The following ZDHHC3 variants were observed in gnomAD, a reference collection of about 807,000 sequenced individuals.
ZDHHC3 encodes the protein palmitoyltransferase ZDHHC3.
In ZDHHC3, 9 loss-of-function variants were observed where a neutral mutation model predicts 30.6. The ratio of observed to expected loss-of-function variants is 0.29; its 90% CI spans 0.18 to 0.51. ZDHHC3 has a LOEUF of 0.51. Ranked by LOEUF, ZDHHC3 falls within the 20% of genes least tolerant of loss-of-function variation. The pLI is 0.97. For synonymous variants in ZDHHC3, 136 were observed against 140.2 expected, an observed-to-expected ratio of 0.97 and a Z score of 0.21; for missense variants, 246 against 384.2, an observed-to-expected ratio of 0.64 and a Z score of 3.01.
intron 3 of ZDHHC3, among the ~76,000 whole-genome samples, chr3:44,940,667 G>A (rs892506551): frequency 6.6e-6 from 1 of 152,186 alleles, no homozygotes; most frequent in Non-Finnish European, 1.5e-5. Context: ...CACTGTAGAA[G>A]AAGGCAGATG....
rs1700443317 is a variant in ZDHHC3, at chr3:44,919,443, C to T, written c.*7246G>A. 6.6e-6 allele frequency: 1 copy of T among 152,360 alleles called. No homozygotes were observed. 9.4% of individuals were successfully genotyped at this position (152,360 alleles called of 1,614,324 possible). A position where few individuals can be genotyped will look rare whatever the true frequency, so the allele number is the denominator to read the frequency against. ...AAGATTGATGAAAAGATTTTGGAAC[C>T]AGACAGACCTGGTGGTTACAAAACA... is the stretch of plus-strand genomic sequence containing the variant. On this transcript the variant is annotated 3_prime_UTR_variant, in exon 7 of 7. Coordinates refer to ENST00000424952, the MANE Select transcript of ZDHHC3 (RefSeq NM_001135179.2).
At position 44,921,631 on chromosome 3, in the gene ZDHHC3, A is replaced by C. The variant is rs1285898754; in HGVS notation, c.*5058T>G. On this transcript the variant is annotated 3_prime_UTR_variant, in exon 7 of 7. Coordinates refer to ENST00000424952, the MANE Select transcript of ZDHHC3 (RefSeq NM_001135179.2). ...ACATTTATAAAGCCATACCAGGGCC[A>C]GACGCTATACATTCCTATTCATCAC... is the stretch of plus-strand genomic sequence containing the variant. 23 of 983,428 alleles carry C rather than the reference A, an allele frequency of 2.3e-5. No individual in the cohort carries two copies. Among genetic ancestry groups the C allele is most frequent in the Non-Finnish European group, 2.8e-5 (23 of 828,206 alleles). The allele number at this position is 983,428 out of a possible 1,614,324, so 60.9% of individuals were successfully genotyped here.
Position 44,933,121 on chromosome 3 carries a change from T to C in ZDHHC3, c.607A>G (p.Thr203Ala). The C allele has an allele frequency of 6.2e-7, 1 of 1,614,150 alleles. No individual in the cohort carries two copies. The highest frequency in any genetic ancestry group is 8.5e-7 in the Non-Finnish European group (1 of 1,180,022). The change falls in exon 5 of 7, where the codon ACA becomes GCA. Residue 203 changes from threonine to alanine, a missense_variant. Transcript: ENST00000424952. ...HFLHCFEEDWTKCSSFSPPTT... is the reference protein window; with the variant it reads ...HFLHCFEEDWAKCSSFSPPTT... ...GAAAGCCTCAGCACATACTCACTTG[T>C]CCAATCTTCTTCAAAGCAATGCAGG...
chr3:44,949,843 CT>C (rs921169570), intron 2 of ZDHHC3, among the ~76,000 whole-genome samples: 22 of 148,936 alleles, frequency 1.5e-4, no homozygotes, highest in South Asian at 2.1e-4. Context: ...ATTATTTTTT[CT>C]TTTTTTTTTG....
At position 44,937,977 on chromosome 3, in the gene ZDHHC3, A is replaced by G. The variant is rs183176467; in HGVS notation, c.432-3993T>C. 5.4e-4 allele frequency: 235 copies of G among 436,668 alleles called. 2 individuals are homozygous for G. Among genetic ancestry groups the G allele is most frequent in the Middle Eastern group, 3.0e-3 (4 of 1,328 alleles). 27.0% of individuals were successfully genotyped at this position (436,668 alleles called of 1,614,324 possible). On this transcript the variant is annotated intron_variant, in intron 3 of 6. Transcript: ENST00000424952. Reference sequence around the variant, plus strand: ...AAAGAAACAGAAAAATGTTAAACACAGCGGAAATACCACTTTTTTTTTTGG... The same window carrying G: ...AAAGAAACAGAAAAATGTTAAACACGGCGGAAATACCACTTTTTTTTTTGG...
At chr3:44,934,029 T>C (rs1701725722) in intron 3 of ZDHHC3, 45 bp from the exon 4 acceptor site, 2 of 1,590,288 alleles carry the variant, frequency 1.3e-6, no homozygotes, top group Non-Finnish European at 1.7e-6. Flanking sequence ...CCCCATGGTG[T>C]TGGGAGGGCC....
At chr3:44,946,137 G>A (rs966296848) in intron 2 of ZDHHC3, among the ~76,000 whole-genome samples, 9 of 152,200 alleles carry the variant, frequency 5.9e-5, no homozygotes, top group African/African-American at 2.2e-4. Context: ...ACTTTTACCA[G>A]TGGTATTGTT....
At chr3:44,974,052 A>G (rs1260775080) in intron 1 of ZDHHC3, among the ~76,000 whole-genome samples, 1 of 152,252 alleles carries the variant, frequency 6.6e-6, no homozygotes, top group Non-Finnish European at 1.5e-5. Context: ...CCAATGCACT[A>G]TTACAGCAAA....
chr3:44,958,700 G>A, intron 2 of ZDHHC3: 3 of 1,534,056 alleles, frequency 2.0e-6, no homozygotes, highest in Non-Finnish European at 2.6e-6. Context: ...AATTGGATGT[G>A]GCTTTAATTT....
intron 1 of ZDHHC3, among the ~76,000 whole-genome samples, chr3:44,965,717 G>A (rs998666612): frequency 1.1e-4 from 17 of 152,186 alleles, no homozygotes; most frequent in Non-Finnish European, 2.1e-4. Context: ...GAATGTATTA[G>A]AGTCCCAAAA....
Position 44,917,811 on chromosome 3 carries a change from A to G in ZDHHC3, c.*8878T>C. On this transcript the variant is annotated 3_prime_UTR_variant, in exon 7 of 7. Coordinates refer to ENST00000424952, the MANE Select transcript of ZDHHC3 (RefSeq NM_001135179.2). ...GCACTGGGGGTGCTGGGAGCGCACC[A>G]TGCCCATAAGCCCCTTTAGCCAAAA... 1 of 1,251,806 alleles carries G rather than the reference A, an allele frequency of 8.0e-7. No individual in the cohort carries two copies. The highest frequency in any genetic ancestry group is 1.0e-6 in the Non-Finnish European group (1 of 966,130). 77.5% of individuals were successfully genotyped at this position (1,251,806 alleles called of 1,614,324 possible). A position where few individuals can be genotyped will look rare whatever the true frequency, so the allele number is the denominator to read the frequency against.
At position 44,922,476 on chromosome 3, in the gene ZDHHC3, G is replaced by C; in HGVS notation, c.*4213C>G. The C allele has an allele frequency of 9.1e-6, 9 of 985,372 alleles. No individual in the cohort carries two copies. The highest frequency in any genetic ancestry group is 1.1e-5 in the Non-Finnish European group (9 of 829,888). The allele number at this position is 985,372 out of a possible 1,614,324, so 61.0% of individuals were successfully genotyped here. On this transcript the variant is annotated 3_prime_UTR_variant, in exon 7 of 7. Coordinates refer to ENST00000424952, the MANE Select transcript of ZDHHC3 (RefSeq NM_001135179.2). ...TCATACAGACTTTCTTTGATGTCTT[G>C]GCAGTTGTTTGTTGGGGAGGCCGCA...
Position 44,921,634 on chromosome 3 carries a change from C to T in ZDHHC3, c.*5055G>A, listed in dbSNP as rs113766449. The T allele has an allele frequency of 4.2e-5, 41 of 981,726 alleles. No homozygotes were observed. Among genetic ancestry groups the T allele is most frequent in the Admixed American group, 1.8e-4 (3 of 16,260 alleles). 60.8% of individuals were successfully genotyped at this position (981,726 alleles called of 1,614,324 possible). ...TTTATAAAGCCATACCAGGGCCAGA[C>T]GCTATACATTCCTATTCATCACCCT... On this transcript the variant is annotated 3_prime_UTR_variant, in exon 7 of 7. Coordinates refer to ENST00000424952, the MANE Select transcript of ZDHHC3 (RefSeq NM_001135179.2).
At position 44,921,983 on chromosome 3, in the gene ZDHHC3, C is replaced by T; in HGVS notation, c.*4706G>A. ...CAGCTTCATCGGCTCCTCCTGTGGGCCCAACAGAGCGGGATCCCTGGGGGC... is the reference window on the plus strand; with the variant it reads ...CAGCTTCATCGGCTCCTCCTGTGGGTCCAACAGAGCGGGATCCCTGGGGGC... On this transcript the variant is annotated 3_prime_UTR_variant, in exon 7 of 7. Transcript: ENST00000424952. The T allele has an allele frequency of 1.0e-6, 1 of 985,458 alleles. No individual in the cohort carries two copies. Among genetic ancestry groups the T allele is most frequent in the Non-Finnish European group, 1.2e-6 (1 of 829,928 alleles). 61.0% of individuals were successfully genotyped at this position (985,458 alleles called of 1,614,324 possible).
chr3:44,922,541 G>A lies in ZDHHC3; in HGVS notation c.*4148C>T, dbSNP rs1442129049. 5.1e-6 allele frequency: 5 copies of A among 985,276 alleles called. No homozygotes were observed. The East Asian group carries it at 5.7e-4, about 112-fold the overall frequency. 61.0% of individuals were successfully genotyped at this position (985,276 alleles called of 1,614,324 possible). On this transcript the variant is annotated 3_prime_UTR_variant, in exon 7 of 7. Transcript: ENST00000424952. ...GCAGTCTCAGTGGCTTCTCCGCGGA[G>A]GGAACACGTGCCTGTCTCACAATCA...
chr3:44,930,893 C>G, intron 5 of ZDHHC3, among the ~76,000 whole-genome samples: 1 of 152,122 alleles, frequency 6.6e-6, no homozygotes, highest in East Asian at 1.9e-4. Context: ...GCTCTGACAT[C>G]TGGCAGACAC....
At chr3:44,972,746 G>A (rs190174958) in intron 1 of ZDHHC3, among the ~76,000 whole-genome samples, 1 of 152,262 alleles carries the variant, frequency 6.6e-6, no homozygotes, top group East Asian at 1.9e-4. Context: ...GTAGTTCGAG[G>A]TCCTGGGCTC....
chr3:44,970,093 G>C (rs775115899), intron 1 of ZDHHC3, among the ~76,000 whole-genome samples: 6 of 152,192 alleles, frequency 3.9e-5, no homozygotes, highest in Non-Finnish European at 8.8e-5. Flanking sequence ...CGAAAGACTA[G>C]CTAGGGAAGG....
intron 2 of ZDHHC3, among the ~76,000 whole-genome samples, chr3:44,954,859 G>A (rs1332447906): frequency 3.3e-5 from 5 of 152,030 alleles, no homozygotes; most frequent in Non-Finnish European, 5.9e-5. Flanking sequence ...AGAGAATGAG[G>A]AATTTGGAAA....
Sources: allele counts gnomAD v4.1 joint callset (sites outside exome capture counted in the v4.1 genomes callset), GRCh38; gene constraint gnomAD v4.1.1; transcripts MANE v1.5; gene names NCBI Gene and HGNC (gene_info 2026-07-23, HGNC 2026-07-21).